Variants in FARS2 observed in about 807,000 individuals in gnomAD.
FARS2 encodes phenylalanine--tRNA ligase, mitochondrial.
Under a neutral mutation model 46.4 loss-of-function variants are expected in FARS2, and 40 were observed. The ratio of observed to expected loss-of-function variants is 0.86; its 90% confidence interval spans 0.67 to 1.12. The LOEUF (loss-of-function observed/expected upper bound fraction) is 1.12, where lower values mean the gene tolerates loss of function less well. Ranked by LOEUF, FARS2 falls within the 50% of genes most tolerant of loss-of-function variation. FARS2 has a pLI of 0.00. For missense variants in FARS2, 513 were observed against 567.9 expected, an observed-to-expected ratio of 0.90 and a Z score of 0.98; for synonymous variants, 234 against 214.9, an observed-to-expected ratio of 1.09 and a Z score of -0.78.
chr6:5,423,469 C>T (rs997147755), intron 3 of FARS2, among the ~76,000 whole-genome samples: 1 of 152,050 alleles, frequency 6.6e-6, no homozygotes, highest in East Asian at 1.9e-4. Context: ...TGTGAAACTG[C>T]ACTTGCACAC....
rs190511180 is a variant in FARS2 at position 5,710,885 on chromosome 6, G to A, written c.1218-60406G>A. Among the ~76,000 whole-genome samples, 366 of 152,288 alleles carry A rather than the reference G, an allele frequency of 2.4e-3. 3 individuals are homozygous for A. The highest frequency in any genetic ancestry group is 8.0e-3 in the Admixed American group (123 of 15,292). Reference sequence around the variant, plus strand: ...AATAGTTTGTGCTCCCAGCAGCCGCGGGAGGATGAACTTTGGGTATGATAC... The same window carrying A: ...AATAGTTTGTGCTCCCAGCAGCCGCAGGAGGATGAACTTTGGGTATGATAC... On this transcript the variant is annotated intron_variant, in intron 6 of 6. Coordinates refer to ENST00000274680, the MANE Select transcript of FARS2 (RefSeq NM_006567.5).
intron 4 of FARS2, among the ~76,000 whole-genome samples, chr6:5,517,235 G>A (rs1224787397): frequency 1.3e-5 from 2 of 152,164 alleles, no homozygotes; most frequent in Admixed American, 1.3e-4. Flanking sequence ...CTAGAGCTAC[G>A]TTGTCCATAG....
At chr6:5,512,893 G>T (rs1468631945) in intron 4 of FARS2, among the ~76,000 whole-genome samples, 1 of 152,170 alleles carries the variant, frequency 6.6e-6, no homozygotes, top group Non-Finnish European at 1.5e-5. Context: ...TCTCACATGG[G>T]AGAATATGGG....
At chr6:5,602,948 C>T (rs1446678030) in intron 5 of FARS2, among the ~76,000 whole-genome samples, 4 of 152,146 alleles carry the variant, frequency 2.6e-5, no homozygotes, top group Admixed American at 6.5e-5. Flanking sequence ...TATTTCATGT[C>T]ATCTTCACCA....
intron 6 of FARS2, among the ~76,000 whole-genome samples, chr6:5,672,506 G>A (rs564688575): frequency 1.3e-5 from 2 of 152,350 alleles, no homozygotes; most frequent in Non-Finnish European, 2.9e-5. Context: ...TAACGGGCAA[G>A]CTGTGATATA....
At chr6:5,310,867 T>A (rs1011834678) in intron 1 of FARS2, among the ~76,000 whole-genome samples, 2 of 152,206 alleles carry the variant, frequency 1.3e-5, no homozygotes, top group Non-Finnish European at 2.9e-5. Flanking sequence ...GGTGAGTGAA[T>A]GAATGCATGA....
chr6:5,536,004 G>A (rs1770168664), intron 4 of FARS2, among the ~76,000 whole-genome samples: 3 of 151,440 alleles, frequency 2.0e-5, no homozygotes, highest in African/African-American at 7.3e-5. Flanking sequence ...CTTGTAGTGA[G>A]CCCCTGTGAA....
chr6:5,328,323 A>G (rs886786308), intron 1 of FARS2, among the ~76,000 whole-genome samples: 3 of 152,118 alleles, frequency 2.0e-5, no homozygotes, highest in East Asian at 1.9e-4. Context: ...GAATAATTTT[A>G]TATTCTTTAT....
At chr6:5,584,563 C>T (rs867472326) in intron 5 of FARS2, among the ~76,000 whole-genome samples, 5 of 152,004 alleles carry the variant, frequency 3.3e-5, no homozygotes, top group African/African-American at 7.3e-5. Flanking sequence ...CTCTCCTTCC[C>T]GTGTGTGCCT....
chr6:5,454,197 ATT>A (rs34688392), intron 4 of FARS2, among the ~76,000 whole-genome samples: 2 of 144,072 alleles, frequency 1.4e-5, no homozygotes. Context: ...TTCTCCCTCC[ATT>A]TTTTTTTTTT....
chr6:5,757,415 C>A lies in FARS2; in HGVS notation c.1218-13876C>A, dbSNP rs140620367. Among the ~76,000 whole-genome samples, 228 of 152,132 alleles carry A rather than the reference C, an allele frequency of 1.5e-3. 1 individual carries two copies. Among genetic ancestry groups the A allele is most frequent in the African/African-American group, 5.1e-3 (210 of 41,518 alleles). On this transcript the variant is annotated intron_variant, in intron 6 of 6. Coordinates refer to ENST00000274680, the MANE Select transcript of FARS2 (RefSeq NM_006567.5). ...TCTGTTTTATTGAGACCTGGAGAGTCCCTAGATTTATCCAAGTAGCAAAGA... is the reference window on the plus strand; with the variant it reads ...TCTGTTTTATTGAGACCTGGAGAGTACCTAGATTTATCCAAGTAGCAAAGA...
chr6:5,621,846 G>T (rs778708235), intron 6 of FARS2, among the ~76,000 whole-genome samples: 1 of 152,190 alleles, frequency 6.6e-6, no homozygotes, highest in Non-Finnish European at 1.5e-5. Context: ...GAAGGTCTAA[G>T]GGCCAGAGAC....
intron 4 of FARS2, among the ~76,000 whole-genome samples, chr6:5,501,110 C>T (rs1767774120): frequency 1.3e-5 from 2 of 151,322 alleles, no homozygotes; most frequent in Non-Finnish European, 1.5e-5. Context: ...GCTAGACAGA[C>T]CAAGCCAGCA....
chr6:5,645,070 T>C (rs1243697201), intron 6 of FARS2, among the ~76,000 whole-genome samples: 1 of 152,192 alleles, frequency 6.6e-6, no homozygotes, highest in East Asian at 1.9e-4. Context: ...GCTAACCAAC[T>C]TGGATGAGAA....
intron 6 of FARS2, among the ~76,000 whole-genome samples, chr6:5,642,362 C>T (rs1776863063): frequency 6.6e-6 from 1 of 152,084 alleles, no homozygotes; most frequent in Non-Finnish European, 1.5e-5. Context: ...ACTGTAAATC[C>T]CCAATAGGAC....
chr6:5,552,015 G>A (rs1189902848), intron 5 of FARS2, among the ~76,000 whole-genome samples: 1 of 152,172 alleles, frequency 6.6e-6, no homozygotes, highest in Non-Finnish European at 1.5e-5. Context: ...GGGAGTAAGA[G>A]ATGGATATCT....
intron 2 of FARS2, among the ~76,000 whole-genome samples, chr6:5,394,885 A>G (rs1298582274): frequency 2.0e-5 from 3 of 152,160 alleles, no homozygotes; most frequent in East Asian, 1.9e-4. Flanking sequence ...GAAGTGGTAC[A>G]GAAACCATAT....
At chr6:5,687,225 G>A (rs1325009513) in intron 6 of FARS2, among the ~76,000 whole-genome samples, 4 of 152,124 alleles carry the variant, frequency 2.6e-5, no homozygotes, top group Non-Finnish European at 4.4e-5. Flanking sequence ...TGTCAATTTT[G>A]GCTTTTGTTG....
chr6:5,611,247 A>T (rs1775166929), intron 5 of FARS2, among the ~76,000 whole-genome samples: 1 of 152,242 alleles, frequency 6.6e-6, no homozygotes, highest in South Asian at 2.1e-4. Context: ...GCTGAGGGCC[A>T]GAAGTGAGGT....
Sources: gnomAD v4.1 joint callset for allele counts (sites outside exome capture counted in the v4.1 genomes callset) on GRCh38, gnomAD v4.1.1 for gene constraint, MANE v1.5 for transcripts, NCBI Gene and HGNC (gene_info 2026-07-23, HGNC 2026-07-21) for gene names.